TRIM37: variants seen among roughly 807,000 people sequenced by gnomAD.
TRIM37 encodes the protein tripartite motif containing 37.
A neutral mutation model predicts 129.8 loss-of-function variants in TRIM37; 80 were observed. The observed-to-expected ratio is 0.62, with a 90% CI of 0.51 to 0.74. TRIM37 has a LOEUF of 0.74. TRIM37 is among the 30% of genes least tolerant of loss of function. The probability of loss-of-function intolerance (pLI) is 0.00; values close to 1 mark genes in which losing one functional copy is unlikely to be tolerated. For synonymous variants in TRIM37, 389 were observed against 387.1 expected, an observed-to-expected ratio of 1.00 and a Z score of -0.06; for missense variants, 1,054 against 1,176.5, an observed-to-expected ratio of 0.90 and a Z score of 1.52.
At chr17:59,057,788 G>C (rs1231388354) in intron 12 of TRIM37, among the ~76,000 whole-genome samples, 2 of 151,928 alleles carry the variant, frequency 1.3e-5, no homozygotes, top group Non-Finnish European at 2.9e-5. Flanking sequence ...CCTCCCAAAG[G>C]GCTGGGATTA....
intron 19 of TRIM37, among the ~76,000 whole-genome samples, chr17:59,020,811 AAC>A (rs1357840918): frequency 1.3e-5 from 2 of 152,350 alleles, no homozygotes; most frequent in African/African-American, 4.8e-5. Flanking sequence ...TTTTATCCAA[AAC>A]ACAGGCAATA....
intron 16 of TRIM37, among the ~76,000 whole-genome samples, chr17:59,044,269 C>T (rs2039543155): frequency 6.6e-6 from 1 of 152,026 alleles, no homozygotes; most frequent in Non-Finnish European, 1.5e-5. Context: ...ATCACGCGAC[C>T]ACTGCACTCC....
At chr17:59,023,811 C>G (rs1309819403) in intron 19 of TRIM37, among the ~76,000 whole-genome samples, 5 of 152,034 alleles carry the variant, frequency 3.3e-5, no homozygotes, top group Admixed American at 3.3e-4. Context: ...CCTGCCTAGA[C>G]AATGCAATAC....
chr17:59,088,271 C>A lies in TRIM37; in HGVS notation c.281+20G>T. The A allele has an allele frequency of 1.3e-6, 2 of 1,529,438 alleles. No individual in the cohort carries two copies. The highest frequency in any genetic ancestry group is 1.8e-6 in the Non-Finnish European group (2 of 1,103,832). 94.7% of individuals were successfully genotyped at this position (1,529,438 alleles called of 1,614,324 possible). On this transcript the variant is annotated intron_variant, in intron 4 of 23. Coordinates refer to ENST00000262294, the MANE Select transcript of TRIM37 (RefSeq NM_015294.6). ...AAGGCAAAATCCATTCAATATTGAA[C>A]AAAGAAATTGAGGACATACTTGTCC...
At chr17:59,102,955 C>T (rs938759726) in intron 2 of TRIM37, among the ~76,000 whole-genome samples, 1 of 152,118 alleles carries the variant, frequency 6.6e-6, no homozygotes, top group Non-Finnish European at 1.5e-5. Context: ...TCACTGCAAC[C>T]TCTGCCTCCC....
At chr17:59,082,990 C>A (rs2043430790) in intron 5 of TRIM37, among the ~76,000 whole-genome samples, 1 of 152,210 alleles carries the variant, frequency 6.6e-6, no homozygotes, top group South Asian at 2.1e-4. Context: ...AACATACTGA[C>A]TGATGCCCAC....
Position 59,005,769 on chromosome 17 carries a change from G to A in TRIM37, c.2696-4055C>T, listed in dbSNP as rs367771642. ...ATGTTAATAAAAATGCCAATATAAG[G>A]ATTTTGCTTCAAAATCTTTCTTGGA... On this transcript the variant is annotated intron_variant, in intron 22 of 23. Coordinates refer to ENST00000262294, the MANE Select transcript of TRIM37 (RefSeq NM_015294.6). Among the ~76,000 whole-genome samples the A allele has an allele frequency of 1.8e-4, 28 of 152,234 alleles. No individual in the cohort carries two copies. The South Asian group carries it at 5.4e-3, about 29-fold the overall frequency.
intron 20 of TRIM37, among the ~76,000 whole-genome samples, chr17:59,016,120 G>T (rs1003421710): frequency 1.3e-5 from 2 of 152,152 alleles, no homozygotes; most frequent in African/African-American, 4.8e-5. Context: ...TAGGCCAGGT[G>T]TGGTGGCTCA....
At chr17:59,032,588 GTGAT>G (rs780157644) in intron 17 of TRIM37, among the ~76,000 whole-genome samples, 14 of 150,178 alleles carry the variant, frequency 9.3e-5, no homozygotes, top group Non-Finnish European at 2.1e-4. Flanking sequence ...CATTAGCACA[GTGAT>G]TGAGTGGTGG....
intron 24 of TRIM37, chr17:58,983,743 T>C (rs180786750): frequency 4.1e-4 from 62 of 152,798 alleles, no homozygotes; most frequent in African/African-American, 1.4e-3. Flanking sequence ...ACTCAATCCT[T>C]AAAGAGTGGC....
chr17:59,035,136 C>G (rs549144234), intron 17 of TRIM37, among the ~76,000 whole-genome samples: 4 of 151,888 alleles, frequency 2.6e-5, no homozygotes, highest in Non-Finnish European at 5.9e-5. Context: ...CTTGGCTCAC[C>G]GCAACTTCCA....
In TRIM37 at chr17:59,062,518, G is replaced by T. The variant is rs923012514; in HGVS notation, c.942+49C>A. The T allele has an allele frequency of 8.1e-6, 12 of 1,488,712 alleles. No homozygotes were observed. The Middle Eastern group carries it at 5.1e-4, about 64-fold the overall frequency. 92.2% of individuals were successfully genotyped at this position (1,488,712 alleles called of 1,614,324 possible). A position where few individuals can be genotyped will look rare whatever the true frequency, so the allele number is the denominator to read the frequency against. On this transcript the variant is annotated intron_variant, in intron 11 of 23. Coordinates refer to ENST00000262294, the MANE Select transcript of TRIM37 (RefSeq NM_015294.6). ...TCAAATTAGTATACTACAGAACTCT[G>T]AAAGAAAGACCTTGGTTTCAAAATT... is the stretch of plus-strand genomic sequence containing the variant.
intron 17 of TRIM37, among the ~76,000 whole-genome samples, chr17:59,038,418 T>TA (rs1432827232): frequency 6.6e-6 from 1 of 152,144 alleles, no homozygotes; most frequent in Non-Finnish European, 1.5e-5. Context: ...AAGCATATAA[T>TA]AAAAATAAAC....
chr17:59,033,773 G>C (rs2038151156), intron 17 of TRIM37, among the ~76,000 whole-genome samples: 2 of 151,922 alleles, frequency 1.3e-5, no homozygotes, highest in South Asian at 4.2e-4. Context: ...TTGTATGTCA[G>C]TCAGCTGAAG....
rs142228166 is a variant in TRIM37 at position 59,002,807 on chromosome 17, C to T, written c.2696-1093G>A. ...TTCCTGTGAGGATTTTTAAACACTG[C>T]CTTGGGATAGAAAAATGAACCCCCC... is the stretch of plus-strand genomic sequence containing the variant. On this transcript the variant is annotated intron_variant, in intron 22 of 23. Transcript: ENST00000262294. Among the ~76,000 whole-genome samples the T allele has an allele frequency of 4.6e-5, 7 of 152,170 alleles. No homozygotes were observed. The East Asian group carries it at 1.4e-3, about 29-fold the overall frequency.
intron 13 of TRIM37, among the ~76,000 whole-genome samples, chr17:59,054,567 G>C (rs1341878110): frequency 6.6e-6 from 1 of 152,172 alleles, no homozygotes; most frequent in Non-Finnish European, 1.5e-5. Context: ...CTCCCAAAGT[G>C]CTGGGATTAC....
chr17:59,078,703 G>A (rs935154144), intron 7 of TRIM37, among the ~76,000 whole-genome samples: 2 of 152,042 alleles, frequency 1.3e-5, no homozygotes, highest in Admixed American at 6.5e-5. Context: ...GAACAATTAC[G>A]ATTTTCATTT....
At chr17:58,977,155 T>C in the TRIM37 span, among the ~76,000 whole-genome samples, 1 of 152,108 alleles carries the variant, frequency 6.6e-6, no homozygotes, top group East Asian at 1.9e-4. Context: ...TAAGAAATAA[T>C]GAATGAGGGC....
chr17:59,087,128 G>A (rs1297858525), intron 4 of TRIM37, among the ~76,000 whole-genome samples: 1 of 152,006 alleles, frequency 6.6e-6, no homozygotes, highest in Non-Finnish European at 1.5e-5. Flanking sequence ...ATGGAGTCTC[G>A]CTCGTTACCC....
Sources: gnomAD v4.1 joint callset for allele counts (sites outside exome capture counted in the v4.1 genomes callset) on GRCh38, gnomAD v4.1.1 for gene constraint, MANE v1.5 for transcripts, NCBI Gene and HGNC (gene_info 2026-07-23, HGNC 2026-07-21) for gene names.